The following SYNE1 variants were observed in gnomAD, a reference collection of about 807,000 sequenced individuals.
The protein encoded by SYNE1 is spectrin repeat containing nuclear envelope protein 1, also known as nesprin-1.
SYNE1 carries 616 observed loss-of-function variants against 1,111.0 expected under a neutral mutation model. The observed-to-expected ratio is 0.55, with a 90% CI of 0.52 to 0.59. The LOEUF is 0.59. Among genes scored for constraint, SYNE1 ranks in the 20% least tolerant of loss-of-function variants. The pLI is 0.00. For synonymous variants in SYNE1, 3,855 were observed against 3,825.8 expected (o/e 1.01, Z -0.28); for missense variants, 10,006 against 10,417.0 (o/e 0.96, Z 1.72).
chr6:152,438,439 G>T (rs1315419119), intron 32 of SYNE1, among the ~76,000 whole-genome samples: 2 of 152,092 alleles, frequency 1.3e-5, no homozygotes, highest in Admixed American at 1.3e-4. Context: ...CAGAATGATG[G>T]TGATAAAAAA....
intron 11 of SYNE1, among the ~76,000 whole-genome samples, chr6:152,496,787 T>C (rs11962685): frequency 0.053 from 8,057 of 152,244 alleles, 733 homozygotes; most frequent in African/African-American, 0.18. Flanking sequence ...CACGTATACA[T>C]TCAGATGGCT....
intron 145 of SYNE1, chr6:152,129,299 T>A (rs1027247104): frequency 2.0e-5 from 3 of 152,230 alleles, no homozygotes; most frequent in Non-Finnish European, 4.4e-5. Flanking sequence ...CTCGTCACTA[T>A]CATTTGTATC....
rs774447312 is a variant in SYNE1 at position 152,416,508 on chromosome 6, C to T, written c.5929G>A (p.Ala1977Thr). The change falls in exon 41 of 146, where the codon GCA becomes ACA. Residue 1977 changes from alanine (A) to threonine (T), a missense_variant. By Grantham distance (58) the Ala-to-Thr change is moderately conservative (BLOSUM62 0). Coordinates refer to ENST00000367255, the MANE Select transcript of SYNE1 (RefSeq NM_182961.4). ...GTKQSEADALAVLKKAFQDQK... is the reference protein window; with the variant it reads ...GTKQSEADALTVLKKAFQDQK... ...TCTTGGAATGCTTTTTTCAACACTG[C>T]CAGAGCATCTGCCTCACTCTGCTTG... is the stretch of plus-strand genomic sequence containing the variant. 1.5e-5 allele frequency: 24 copies of T among 1,614,016 alleles called. No homozygotes were observed. Among genetic ancestry groups the T allele is most frequent in the Non-Finnish European group, 2.0e-5 (24 of 1,180,002 alleles).
chr6:152,171,964 T>C (rs2065319355), intron 130 of SYNE1, among the ~76,000 whole-genome samples: 1 of 152,242 alleles, frequency 6.6e-6, no homozygotes. Context: ...GTACTTCATA[T>C]ATAGTAGGCG....
intron 2 of SYNE1, among the ~76,000 whole-genome samples, chr6:152,636,244 G>C (rs1399919062): frequency 6.6e-6 from 1 of 152,024 alleles, no homozygotes; most frequent in Non-Finnish European, 1.5e-5. Flanking sequence ...AGGAAGGGAG[G>C]CTCCTAGAAT....
At chr6:152,393,361 G>T (rs2097677481) in intron 51 of SYNE1, among the ~76,000 whole-genome samples, 1 of 151,970 alleles carries the variant, frequency 6.6e-6, no homozygotes, top group East Asian at 1.9e-4. Flanking sequence ...CTGGAAGAAG[G>T]GAAGTAGGTC....
chr6:152,440,814 C>T (rs2098522692), intron 32 of SYNE1, among the ~76,000 whole-genome samples: 1 of 151,980 alleles, frequency 6.6e-6, no homozygotes, highest in Non-Finnish European at 1.5e-5. Flanking sequence ...GATCTGCCCT[C>T]CTCAGTCTCC....
At chr6:152,448,326 C>G (rs1439065687) in intron 28 of SYNE1, among the ~76,000 whole-genome samples, 1 of 152,174 alleles carries the variant, frequency 6.6e-6, no homozygotes, top group African/African-American at 2.4e-5. Context: ...TGGGGTGGCT[C>G]AAGAGCAGGG....
rs927451522 is a variant in SYNE1, at chr6:152,143,696, A to G, written c.25046T>C (p.Ile8349Thr). The G allele has an allele frequency of 2.5e-6, 4 of 1,614,110 alleles. No homozygotes were observed. In the African/African-American group the frequency reaches 5.3e-5, roughly 22 times the overall value. The change falls in exon 138 of 146, where the codon ATA becomes ACA. Residue 8349 changes from isoleucine (I) to threonine (T), a missense_variant. Coordinates refer to ENST00000367255, the MANE Select transcript of SYNE1 (RefSeq NM_182961.4). ...GKALDDSRFQIQQTENIIRSK... is the reference protein window; with the variant it reads ...GKALDDSRFQTQQTENIIRSK... Reference sequence around the variant, plus strand: ...GCGAATGATATTTTCGGTTTGCTGTATCTGAAAACGGCTATCATCCAGGGC... The same window carrying G: ...GCGAATGATATTTTCGGTTTGCTGTGTCTGAAAACGGCTATCATCCAGGGC...
chr6:152,255,585 A>T lies in SYNE1; in HGVS notation c.19260+6T>A, dbSNP rs1373508625. ...TACACACACAGGCAGGAACTACTAA[A>T]CCTACCTCTTGGTTGAAGAGACAAG... is the stretch of plus-strand genomic sequence containing the variant. On this transcript the variant is annotated splice_donor_region_variant and intron_variant, in intron 103 of 145. Coordinates refer to ENST00000367255, the MANE Select transcript of SYNE1 (RefSeq NM_182961.4). 1 of 1,614,018 alleles carries T rather than the reference A, an allele frequency of 6.2e-7. No individual in the cohort carries two copies. The highest frequency in any genetic ancestry group is 8.5e-7 in the Non-Finnish European group (1 of 1,179,998).
intron 104 of SYNE1, among the ~76,000 whole-genome samples, chr6:152,253,920 T>C (rs1276832658): frequency 6.9e-6 from 1 of 144,700 alleles, no homozygotes; most frequent in East Asian, 2.1e-4. Context: ...TTTTATAAAA[T>C]CTTTCATGTT....
intron 3 of SYNE1, among the ~76,000 whole-genome samples, chr6:152,542,029 C>G (rs1243317837): frequency 3.9e-5 from 6 of 152,132 alleles, no homozygotes; most frequent in Non-Finnish European, 8.8e-5. Context: ...TTATCCACCC[C>G]ACCAGCATGT....
chr6:152,326,673 G>A (rs1244229170), intron 78 of SYNE1, 40 bp from the exon 79 acceptor site: 1 of 1,581,364 alleles, frequency 6.3e-7, no homozygotes, highest in South Asian at 1.1e-5. Flanking sequence ...ACTCTCCTTT[G>A]CAATGTGTTT....
At chr6:152,339,544 A>G (rs568372984) in intron 74 of SYNE1, among the ~76,000 whole-genome samples, 178 bp from the exon 75 acceptor site, 20 of 152,340 alleles carry the variant, frequency 1.3e-4, no homozygotes, top group Admixed American at 3.9e-4. Context: ...TAAATCACCA[A>G]TGGGGATTTA....
chr6:152,533,836 A>G (rs986632943), intron 4 of SYNE1, among the ~76,000 whole-genome samples: 2 of 152,148 alleles, frequency 1.3e-5, no homozygotes, highest in South Asian at 4.1e-4. Flanking sequence ...GCATTTTAAA[A>G]TATTTGTTGA....
chr6:152,217,873 G>C (rs1457237481), intron 121 of SYNE1, among the ~76,000 whole-genome samples: 8 of 152,096 alleles, frequency 5.3e-5, no homozygotes, highest in Non-Finnish European at 8.8e-5. Flanking sequence ...GTCTCACTGG[G>C]GGCTCACTCG....
Position 152,583,398 on chromosome 6 carries a change from C to T in SYNE1, c.68-43377G>A, listed in dbSNP as rs572184383. Among the ~76,000 whole-genome samples, 30 of 152,274 alleles carry T rather than the reference C, an allele frequency of 2.0e-4. No individual in the cohort carries two copies. In the South Asian group the frequency reaches 6.2e-3, roughly 32 times the overall value. On this transcript the variant is annotated intron_variant, in intron 3 of 145. Coordinates refer to ENST00000367255, the MANE Select transcript of SYNE1 (RefSeq NM_182961.4). Reference sequence around the variant, plus strand: ...TATCATTACTAGTTGGGCATCATTACCTCACTGTACTGAGCCCCATTCCCT... The same window carrying T: ...TATCATTACTAGTTGGGCATCATTATCTCACTGTACTGAGCCCCATTCCCT...
chr6:152,156,545 A>G (rs2061406658), intron 131 of SYNE1, among the ~76,000 whole-genome samples: 1 of 152,104 alleles, frequency 6.6e-6, no homozygotes, highest in South Asian at 2.1e-4. Flanking sequence ...GTATTTGCAT[A>G]CCTCCTACAC....
chr6:152,284,047 C>T lies in SYNE1; in HGVS notation c.18138G>A (p.Thr6046=), dbSNP rs774914692. The part of the protein sequence containing the change: ...DPAEQLALQS[T]LTVLAERMST... Reference sequence around the variant, plus strand: ...ACATTCGCTCGGCTAAGACAGTGAGCGTGGACTGCAAGGCCAGCTGCTCCG... The same window carrying T: ...ACATTCGCTCGGCTAAGACAGTGAGTGTGGACTGCAAGGCCAGCTGCTCCG... The change falls in exon 96 of 146, where the codon ACG becomes ACA. Residue 6046 remains threonine, a synonymous_variant. Transcript: ENST00000367255. 22 of 1,614,084 alleles carry T rather than the reference C, an allele frequency of 1.4e-5. No homozygotes were observed. Among genetic ancestry groups the T allele is most frequent in the Non-Finnish European group, 1.7e-5 (20 of 1,180,046 alleles).
Sources: allele counts gnomAD v4.1 joint callset (sites outside exome capture counted in the v4.1 genomes callset), GRCh38; gene constraint gnomAD v4.1.1; transcripts MANE v1.5; gene names NCBI Gene and HGNC (gene_info 2026-07-23, HGNC 2026-07-21).